ODAD2: variants seen among roughly 807,000 people sequenced by gnomAD.
ODAD2 encodes the protein outer dynein arm docking complex subunit 2, also known as outer dynein arm-docking complex subunit 2.
Under a neutral mutation model 106.8 loss-of-function variants are expected in ODAD2, and 89 were observed. The ratio of observed to expected loss-of-function variants is 0.83; its 90% confidence interval spans 0.70 to 0.99. ODAD2 has a LOEUF of 0.99. ODAD2 is among the 50% of genes least tolerant of loss of function. The pLI is 0.00. For synonymous variants in ODAD2, 404 were observed against 436.2 expected (o/e 0.93, Z 0.92); for missense variants, 1,168 against 1,238.5 (o/e 0.94, Z 0.85).
At chr10:27,941,045 A>G (rs931593154) in intron 12 of ODAD2, among the ~76,000 whole-genome samples, 1 of 152,204 alleles carries the variant, frequency 6.6e-6, no homozygotes, top group African/African-American at 2.4e-5. Context: ...TAAGCCCACC[A>G]AGATAGTATT....
chr10:27,938,288 A>G (rs1846137554), intron 14 of ODAD2, among the ~76,000 whole-genome samples: 1 of 152,152 alleles, frequency 6.6e-6, no homozygotes, highest in Non-Finnish European at 1.5e-5. Flanking sequence ...CATTAAGGCT[A>G]AATGGCCTCT....
chr10:27,889,233 C>T (rs565263217), intron 17 of ODAD2, among the ~76,000 whole-genome samples: 5 of 152,260 alleles, frequency 3.3e-5, no homozygotes, highest in South Asian at 4.1e-4. Flanking sequence ...TTGGACCCAA[C>T]CTTCTGACCA....
At chr10:27,959,463 G>A (rs544783994) in intron 10 of ODAD2, among the ~76,000 whole-genome samples, 2 of 152,088 alleles carry the variant, frequency 1.3e-5, no homozygotes, top group African/African-American at 4.8e-5. Flanking sequence ...AAGATGCAGA[G>A]GCACTGTTGC....
At position 27,891,259 on chromosome 10, in the gene ODAD2, C is replaced by T. The variant is rs540949889; in HGVS notation, c.2610+16404G>A. Among the ~76,000 whole-genome samples, 3 of 152,308 alleles carry T rather than the reference C, an allele frequency of 2.0e-5. No individual in the cohort carries two copies. The East Asian group carries it at 5.8e-4, about 29-fold the overall frequency. On this transcript the variant is annotated intron_variant, in intron 17 of 19. Coordinates refer to ENST00000305242, the MANE Select transcript of ODAD2 (RefSeq NM_018076.5). ...TGGCTAAATTACCCAAGCATGTATC[C>T]CAACCTCACAGAAATTAACTTCTCT...
At chr10:27,864,121 C>T (rs1840265426) in intron 17 of ODAD2, among the ~76,000 whole-genome samples, 1 of 151,792 alleles carries the variant, frequency 6.6e-6, no homozygotes. Context: ...CGCTAGACCA[C>T]ATGGGAAGTG....
At chr10:27,876,742 G>A (rs1056904488) in intron 17 of ODAD2, among the ~76,000 whole-genome samples, 5 of 152,202 alleles carry the variant, frequency 3.3e-5, no homozygotes, top group East Asian at 3.9e-4. Context: ...GAAAATATCC[G>A]GGGTCAGCTA....
chr10:27,845,460 CA>C (rs1838664122), intron 19 of ODAD2, among the ~76,000 whole-genome samples: 1 of 152,136 alleles, frequency 6.6e-6, no homozygotes, highest in African/African-American at 2.4e-5. Flanking sequence ...CCAGCCACTG[CA>C]AAAACATGCC....
chr10:27,962,527 G>A (rs914863104), intron 9 of ODAD2, among the ~76,000 whole-genome samples: 1 of 152,106 alleles, frequency 6.6e-6, no homozygotes, highest in African/African-American at 2.4e-5. Context: ...TACTTGCAAG[G>A]GCACAAGGTG....
Position 27,934,979 on chromosome 10 carries a change from A to G in ODAD2, c.2495+31T>C, listed in dbSNP as rs373542350. On this transcript the variant is annotated intron_variant, in intron 16 of 19. Coordinates refer to ENST00000305242, the MANE Select transcript of ODAD2 (RefSeq NM_018076.5). ...CCCAAGTGTTCTCCCTAACACTTAT[A>G]TAAAATCTTTCCATCTCCAGGGCCA... is the stretch of plus-strand genomic sequence containing the variant. 17 of 1,612,680 alleles carry G rather than the reference A, an allele frequency of 1.1e-5. No individual in the cohort carries two copies. The African/African-American group carries it at 1.1e-4, about 10-fold the overall frequency.
chr10:27,902,111 G>A (rs780805514), intron 17 of ODAD2, among the ~76,000 whole-genome samples: 15 of 151,942 alleles, frequency 9.9e-5, no homozygotes, highest in African/African-American at 1.7e-4. Context: ...ACAGTCTCTC[G>A]GACCACAGTG....
chr10:27,847,150 T>A (rs1418056228), intron 19 of ODAD2, among the ~76,000 whole-genome samples: 1 of 152,130 alleles, frequency 6.6e-6, no homozygotes, highest in Non-Finnish European at 1.5e-5. Context: ...ATATCCCTGA[T>A]GAACATTGAT....
intron 7 of ODAD2, among the ~76,000 whole-genome samples, chr10:27,977,865 G>C (rs575270280): frequency 6.6e-6 from 1 of 152,180 alleles, no homozygotes; most frequent in East Asian, 1.9e-4. Flanking sequence ...GTAGTTAAAA[G>C]ACTGACCATA....
chr10:27,842,869 C>A (rs1838413738), intron 19 of ODAD2, among the ~76,000 whole-genome samples: 1 of 152,204 alleles, frequency 6.6e-6, no homozygotes, highest in South Asian at 2.1e-4. Context: ...TCCAGCAATT[C>A]TGCTCCTGGG....
intron 17 of ODAD2, among the ~76,000 whole-genome samples, chr10:27,886,039 T>C (rs1386011827): frequency 2.0e-5 from 3 of 147,888 alleles, no homozygotes; most frequent in Non-Finnish European, 4.5e-5. Flanking sequence ...TCATTTGAAA[T>C]TATCAAGTCT....
At chr10:27,944,197 C>T (rs202145088) in intron 12 of ODAD2, 25 bp downstream of exon 12, 240 of 1,590,632 alleles carry the variant, frequency 1.5e-4, no homozygotes, top group Admixed American at 2.1e-4. Flanking sequence ...CACTAGATGA[C>T]GATGACAACA....
intron 10 of ODAD2, among the ~76,000 whole-genome samples, chr10:27,947,174 G>GAATTTTA (rs1167399694): frequency 6.6e-6 from 1 of 152,078 alleles, no homozygotes; most frequent in Non-Finnish European, 1.5e-5. Flanking sequence ...TTTAAAATAT[G>GAATTTTA]AATTTTAAAA....
intron 17 of ODAD2, among the ~76,000 whole-genome samples, chr10:27,886,964 A>T (rs1275895388): frequency 6.6e-6 from 1 of 152,006 alleles, no homozygotes; most frequent in Non-Finnish European, 1.5e-5. Flanking sequence ...AATGAGGAAT[A>T]AAAGGCTATA....
At chr10:27,926,110 G>T (rs1331231529) in intron 16 of ODAD2, among the ~76,000 whole-genome samples, 1 of 151,966 alleles carries the variant, frequency 6.6e-6, no homozygotes, top group African/African-American at 2.4e-5. Context: ...GTCTTTGTGG[G>T]CCATCCATTC....
intron 2 of ODAD2, among the ~76,000 whole-genome samples, chr10:27,989,872 T>A (rs929076509): frequency 6.6e-6 from 1 of 152,056 alleles, no homozygotes; most frequent in African/African-American, 2.4e-5. Flanking sequence ...AAAATAGATT[T>A]GAAAAATAAA....
Sources: allele counts gnomAD v4.1 joint callset (sites outside exome capture counted in the v4.1 genomes callset), GRCh38; gene constraint gnomAD v4.1.1; transcripts MANE v1.5; gene names NCBI Gene and HGNC (gene_info 2026-07-23, HGNC 2026-07-21).